KRTAP4-9: variants seen among roughly 807,000 people sequenced by gnomAD.
KRTAP4-9 encodes keratin associated protein 4-9.
KRTAP4-9 carries 4 observed loss-of-function variants against 4.3 expected under a neutral mutation model. That is an observed-to-expected ratio of 0.94 (90% confidence interval 0.46 to 2.15). The LOEUF (loss-of-function observed/expected upper bound fraction) is 2.15, where lower values mean the gene tolerates loss of function less well. KRTAP4-9 is among the 30% of genes most tolerant of loss of function. The pLI is 0.02. For synonymous variants in KRTAP4-9, 111 were observed against 99.2 expected (o/e 1.12, Z -0.70); for missense variants, 297 against 278.5 (o/e 1.07, Z -0.47).
exon 1 of KRTAP4-9, chr17:41,105,814 T>C (rs1212550360): frequency 1.2e-6 from 2 of 1,611,686 alleles, no homozygotes; most frequent in Non-Finnish European, 1.7e-6. Flanking sequence ...GCTGCCAGTC[T>C]GTGTGCTGCC....
exon 1 of KRTAP4-9, chr17:41,105,772 C>T (rs2014076231): frequency 6.2e-7 from 1 of 1,602,960 alleles, no homozygotes; most frequent in South Asian, 1.1e-5. Flanking sequence ...GTCGCCCCAG[C>T]TGCTGTGTGT....
chr17:41,106,017 G>A (rs1169415684), exon 1 of KRTAP4-9: 1 of 1,579,988 alleles, frequency 6.3e-7, no homozygotes, highest in South Asian at 1.2e-5. Context: ...TCCTCTTGCT[G>A]CTGAGCCCAC....
At chr17:41,106,230 G>T in exon 1 of KRTAP4-9, 1 of 892,600 alleles carries the variant, frequency 1.1e-6, no homozygotes, top group South Asian at 2.1e-5. Context: ...TTTTTCTTCC[G>T]GTGGTGGCAC....
exon 1 of KRTAP4-9, chr17:41,105,856 C>A: frequency 1.2e-6 from 2 of 1,610,414 alleles, no homozygotes; most frequent in South Asian, 2.2e-5. Flanking sequence ...GCTGCAGCAT[C>A]TCCAGCTGCT....
At chr17:41,105,858 C>T (rs767907941) in exon 1 of KRTAP4-9, 16 of 1,532,166 alleles carry the variant, frequency 1.0e-5, no homozygotes, top group Non-Finnish European at 1.4e-5. Context: ...TGCAGCATCT[C>T]CAGCTGCTGC....
At chr17:41,105,694 C>G in exon 1 of KRTAP4-9, 3 of 1,570,668 alleles carry the variant, frequency 1.9e-6, no homozygotes, top group Non-Finnish European at 2.6e-6. Flanking sequence ...GCTGCCAACC[C>G]ACTTGCTGTC....
At chr17:41,105,679 T>G in exon 1 of KRTAP4-9, 1 of 1,563,216 alleles carries the variant, frequency 6.4e-7, no homozygotes, top group Non-Finnish European at 8.7e-7. Flanking sequence ...GCTGCCAGCC[T>G]GCGTGCTGCC....
exon 1 of KRTAP4-9, chr17:41,105,443 C>T (rs1319420411): frequency 3.7e-6 from 6 of 1,613,388 alleles, no homozygotes; most frequent in East Asian, 2.2e-5. Context: ...CGGCCAAGAC[C>T]TCTGTCAGGA....
chr17:41,105,608 T>C (rs1391083605), exon 1 of KRTAP4-9: 4 of 1,569,580 alleles, frequency 2.5e-6, no homozygotes, highest in African/African-American at 1.5e-5. Flanking sequence ...TCAGACCACC[T>C]GTTGCAGGAC....
chr17:41,105,716 T>C (rs1292106310), exon 1 of KRTAP4-9: 6 of 1,571,716 alleles, frequency 3.8e-6, no homozygotes, highest in Non-Finnish European at 5.2e-6. Context: ...CCCCAGCTGC[T>C]GTGAGACGAC....
exon 1 of KRTAP4-9, chr17:41,106,179 G>A: frequency 7.8e-7 from 1 of 1,288,974 alleles, no homozygotes; most frequent in South Asian, 1.6e-5. Flanking sequence ...CTGACTCTTT[G>A]AGAACATTCT....
chr17:41,106,162 C>A, exon 1 of KRTAP4-9: 2 of 1,355,044 alleles, frequency 1.5e-6, no homozygotes, highest in Non-Finnish European at 2.0e-6. Flanking sequence ...AGCCCATCAC[C>A]ATTTCACTGA....
At chr17:41,105,652 C>G in exon 1 of KRTAP4-9, 1 of 1,577,270 alleles carries the variant, frequency 6.3e-7, no homozygotes. Context: ...GTGTGTCCAG[C>G]TGCTGCAGGC....
At chr17:41,105,722 A>G (rs548859678) in exon 1 of KRTAP4-9, 1 of 1,556,040 alleles carries the variant, frequency 6.4e-7, no homozygotes, top group South Asian at 1.2e-5. Flanking sequence ...CTGCTGTGAG[A>G]CGACCTGCTG....
At position 41,105,504 on chromosome 17, in the gene KRTAP4-9, G is replaced by A; in HGVS notation, c.116G>A (p.Cys39Tyr). ...GAGACCACCTGCTGCAGGACCACCTGCTGCCGCCCCAGCTGTTGTGTATCC... is the reference window on the plus strand; with the variant it reads ...GAGACCACCTGCTGCAGGACCACCTACTGCCGCCCCAGCTGTTGTGTATCC... The change falls in exon 1 of 1, where the codon TGC becomes TAC. Residue 39 changes from cysteine to tyrosine, a missense_variant. By Grantham distance (194) the Cys-to-Tyr change is radical. Transcript: ENST00000391415. 3.2e-6 allele frequency: 5 copies of A among 1,566,758 alleles called. 1 individual carries two copies. The highest frequency in any genetic ancestry group is 2.2e-5 in the South Asian group (2 of 89,178).
chr17:41,105,793 C>G lies in KRTAP4-9; in HGVS notation c.405C>G (p.Cys135Trp), dbSNP rs1328689528. 3 of 1,604,938 alleles carry G rather than the reference C, an allele frequency of 1.9e-6. No homozygotes were observed. The African/African-American group carries it at 4.0e-5, about 22-fold the overall frequency. The change falls in exon 1 of 1, where the codon TGC (cysteine) becomes TGG (tryptophan). Residue 135 changes from cysteine (C) to tryptophan (W), a missense_variant. Coordinates refer to ENST00000391415, the Ensembl canonical transcript of KRTAP4-9. Reference sequence around the variant, plus strand: ...CCAGCTGCTGTGTGTCCAGCTGCTGCAAGCCCCAGTGCTGCCAGTCTGTGT... The same window carrying G: ...CCAGCTGCTGTGTGTCCAGCTGCTGGAAGCCCCAGTGCTGCCAGTCTGTGT...
exon 1 of KRTAP4-9, chr17:41,106,304 T>A: frequency 1.7e-6 from 1 of 596,366 alleles, no homozygotes; most frequent in Non-Finnish European, 2.9e-6. Flanking sequence ...TTTCCTCATT[T>A]TCTTTATCAC....
exon 1 of KRTAP4-9, chr17:41,106,164 T>C (rs1416105092): frequency 7.4e-7 from 1 of 1,348,988 alleles, no homozygotes; most frequent in African/African-American, 1.5e-5. Flanking sequence ...CCCATCACCA[T>C]TTCACTGACT....
At chr17:41,105,629 C>A (rs554891170) in exon 1 of KRTAP4-9, 3 of 1,600,340 alleles carry the variant, frequency 1.9e-6, no homozygotes, top group Admixed American at 1.7e-5. Flanking sequence ...CACCTGCTAC[C>A]GCCCCAGCTG....
Sources: allele counts gnomAD v4.1 joint callset, GRCh38; gene constraint gnomAD v4.1.1; transcripts MANE v1.5; gene names NCBI Gene and HGNC (gene_info 2026-07-23, HGNC 2026-07-21).